Variants in BNC2 observed in about 807,000 individuals in gnomAD.
BNC2 encodes the protein zinc finger protein basonuclin-2.
BNC2 carries 20 observed loss-of-function variants against 76.3 expected under a neutral mutation model. The observed-to-expected ratio is 0.26, with a 90% CI of 0.18 to 0.38. BNC2 has a LOEUF of 0.38. Ranked by LOEUF, BNC2 falls within the 10% of genes least tolerant of loss-of-function variation. The pLI is 1.00. For synonymous variants in BNC2, 582 were observed against 514.8 expected, an observed-to-expected ratio of 1.13 and a Z score of -1.77; for missense variants, 1,382 against 1,399.8, an observed-to-expected ratio of 0.99 and a Z score of 0.20.
chr9:16,855,680 G>C (rs58611170), intron 1 of BNC2, among the ~76,000 whole-genome samples: 1,547 of 151,964 alleles, frequency 0.01, 24 homozygotes, highest in African/African-American at 0.036. Flanking sequence ...TGGGACTACA[G>C]GCGCCCGCGA....
At chr9:16,511,785 GATAA>G (rs1822763220) in intron 5 of BNC2, among the ~76,000 whole-genome samples, 1 of 151,988 alleles carries the variant, frequency 6.6e-6, no homozygotes, top group Admixed American at 6.6e-5. Flanking sequence ...ACCTTTTGCC[GATAA>G]AGTAAGCAAA....
At chr9:16,660,454 CAAA>C (rs545256437) in intron 3 of BNC2, among the ~76,000 whole-genome samples, 2 of 122,226 alleles carry the variant, frequency 1.6e-5, no homozygotes, top group Admixed American at 1.8e-4. Context: ...AAGTCCATCT[CAAA>C]AAAAAAAAAA....
rs565215420 is a variant in BNC2, at chr9:16,435,570, C to A, written c.2624G>T (p.Arg875Leu). 6.2e-7 allele frequency: 1 copy of A among 1,613,924 alleles called. No individual in the cohort carries two copies. Among genetic ancestry groups the A allele is most frequent in the African/African-American group, 1.3e-5 (1 of 75,024 alleles). ...VAGCNAAFPS[R>L]RSRDRHSANI... ...ATTTACTGACCTGTCTCGGCTTCGG[C>A]GAGAGGGGAATGCAGCATTGCAACC... The change falls in exon 6 of 7, where the codon CGC becomes CTC. Residue 875 changes from arginine to leucine, a missense_variant. Arg to Leu is a moderately radical substitution (Grantham distance 102). Coordinates refer to ENST00000380672, the MANE Select transcript of BNC2 (RefSeq NM_017637.6).
chr9:16,540,599 T>G (rs764173307), intron 5 of BNC2, among the ~76,000 whole-genome samples: 11 of 152,070 alleles, frequency 7.2e-5, no homozygotes, highest in Non-Finnish European at 1.5e-4. Context: ...TACAAAAAAG[T>G]GTATATGTAA....
At chr9:16,842,154 G>C (rs992342216) in intron 1 of BNC2, among the ~76,000 whole-genome samples, 1 of 152,128 alleles carries the variant, frequency 6.6e-6, no homozygotes, top group Non-Finnish European at 1.5e-5. Context: ...TTTTGAAGCT[G>C]CTTTGCCTTA....
intron 5 of BNC2, among the ~76,000 whole-genome samples, chr9:16,470,806 C>T (rs557340221): frequency 1.3e-5 from 2 of 152,348 alleles, no homozygotes; most frequent in African/African-American, 4.8e-5. Context: ...AAGTTTGCTG[C>T]AGGGGCGGGG....
At chr9:16,570,290 C>CTTT (rs1819284565) in intron 4 of BNC2, among the ~76,000 whole-genome samples, 1 of 152,112 alleles carries the variant, frequency 6.6e-6, no homozygotes, top group African/African-American at 2.4e-5. Flanking sequence ...AATTATTATA[C>CTTT]TCAGTCTTGA....
At chr9:16,517,724 C>A (rs946417916) in intron 5 of BNC2, among the ~76,000 whole-genome samples, 4 of 152,098 alleles carry the variant, frequency 2.6e-5, no homozygotes, top group Non-Finnish European at 5.9e-5. Context: ...TCATATCATT[C>A]ATTTCATTTT....
At chr9:16,836,173 G>A (rs773143961) in intron 1 of BNC2, among the ~76,000 whole-genome samples, 5 of 152,110 alleles carry the variant, frequency 3.3e-5, no homozygotes, top group Non-Finnish European at 7.4e-5. Flanking sequence ...ATTAGGATTT[G>A]GGAAGACCAA....
At chr9:16,865,204 G>C (rs981309513) in intron 1 of BNC2, among the ~76,000 whole-genome samples, 14 of 151,888 alleles carry the variant, frequency 9.2e-5, no homozygotes, top group Admixed American at 6.6e-4. Context: ...AGACAATACT[G>C]TACATTTTGA....
At position 16,435,822 on chromosome 9, in the gene BNC2, T is replaced by G; in HGVS notation, c.2372A>C (p.Tyr791Ser). 6.2e-7 allele frequency: 1 copy of G among 1,614,154 alleles called. No homozygotes were observed. Among genetic ancestry groups the G allele is most frequent in the Non-Finnish European group, 8.5e-7 (1 of 1,180,006 alleles). The change falls in exon 6 of 7, where the codon TAT becomes TCT. Residue 791 changes from tyrosine (Y) to serine (S), a missense_variant. By Grantham distance (144) the Tyr-to-Ser change is moderately radical. Coordinates refer to ENST00000380672, the MANE Select transcript of BNC2 (RefSeq NM_017637.6). The stretch of plus-strand genomic sequence containing the variant: ...GGCACCCCCACCATTGTACAGTCCA[T>G]ACTGGCTCATGTAAAACATGTCGTA... ...PTYDMFYMSQYGLYNGGGASM... is the reference protein window; with the variant it reads ...PTYDMFYMSQSGLYNGGGASM...
intron 3 of BNC2, among the ~76,000 whole-genome samples, chr9:16,593,699 C>G (rs1402306513): frequency 6.6e-6 from 1 of 151,912 alleles, no homozygotes. Flanking sequence ...CATTTATTGC[C>G]TGTATACTTA....
At chr9:16,726,164 T>C (rs1824312902) in intron 3 of BNC2, among the ~76,000 whole-genome samples, 2 of 152,154 alleles carry the variant, frequency 1.3e-5, no homozygotes, top group African/African-American at 4.8e-5. Context: ...AAAACACCTC[T>C]CACAGCGCTC....
intron 5 of BNC2, among the ~76,000 whole-genome samples, chr9:16,447,902 T>C (rs1404151341): frequency 3.3e-5 from 5 of 152,118 alleles, no homozygotes; most frequent in Admixed American, 3.3e-4. Flanking sequence ...TCACCTCAAT[T>C]AAACCCTTTA....
At chr9:16,803,532 G>A (rs1817832583) in intron 1 of BNC2, among the ~76,000 whole-genome samples, 1 of 152,158 alleles carries the variant, frequency 6.6e-6, no homozygotes, top group African/African-American at 2.4e-5. Context: ...TGCTGGTAAC[G>A]GTAATGGGGA....
Position 16,677,972 on chromosome 9 carries a change from C to T in BNC2, c.330+49825G>A, listed in dbSNP as rs7018612. Among the ~76,000 whole-genome samples, 1,382 of 151,886 alleles carry T rather than the reference C, an allele frequency of 9.1e-3. 25 individuals carry two copies. The highest frequency in any genetic ancestry group is 0.031 in the African/African-American group (1,281 of 41,412). On this transcript the variant is annotated intron_variant, in intron 3 of 6. Transcript: ENST00000380672. Reference sequence around the variant, plus strand: ...ATCTTTTAACTAGTAGCAGGAAAACCAACATTATAAATGAAAATGGAATTG... The same window carrying T: ...ATCTTTTAACTAGTAGCAGGAAAACTAACATTATAAATGAAAATGGAATTG...
chr9:16,862,032 G>C (rs1282669691), intron 1 of BNC2, among the ~76,000 whole-genome samples: 1 of 152,022 alleles, frequency 6.6e-6, no homozygotes, highest in Admixed American at 6.5e-5. Flanking sequence ...GTTGAGGAGG[G>C]TGTAGAGAGA....
intron 1 of BNC2, chr9:16,775,905 T>A (rs1050239603): frequency 2.0e-5 from 3 of 152,438 alleles, no homozygotes; most frequent in African/African-American, 7.2e-5. Context: ...AATCAGTTCA[T>A]TTTGAACTGA....
intron 5 of BNC2, among the ~76,000 whole-genome samples, chr9:16,527,431 A>G (rs531296751): frequency 1.3e-5 from 2 of 152,258 alleles, no homozygotes; most frequent in South Asian, 4.1e-4. Flanking sequence ...TGGGAGTCTT[A>G]TCATCTATTG....
Sources: gnomAD v4.1 joint callset for allele counts (sites outside exome capture counted in the v4.1 genomes callset) on GRCh38, gnomAD v4.1.1 for gene constraint, MANE v1.5 for transcripts, NCBI Gene and HGNC (gene_info 2026-07-23, HGNC 2026-07-21) for gene names.